Variants in TENM3 observed in about 807,000 individuals in gnomAD.
TENM3 encodes the protein teneurin-3.
In TENM3, 63 loss-of-function variants were observed where a neutral mutation model predicts 255.1. That is an observed-to-expected ratio of 0.25 (90% CI 0.20 to 0.30). TENM3 has a LOEUF of 0.30. TENM3 is among the 10% of genes least tolerant of loss of function. The pLI, the probability that TENM3 is intolerant of heterozygous loss-of-function variation, is 1.00. For missense variants in TENM3, 2,929 were observed against 3,461.1 expected (o/e 0.85, Z 3.86); for synonymous variants, 1,306 against 1,322.3 (o/e 0.99, Z 0.27).
At chr4:181,459,224 C>T in the TENM3 span, among the ~76,000 whole-genome samples, 1 of 151,772 alleles carries the variant, frequency 6.6e-6, no homozygotes, top group Non-Finnish European at 1.5e-5. Context: ...TGTTCAACTC[C>T]TTTGCCCATT....
At chr4:182,262,233 T>A (rs1301447668) in intron 1 of TENM3, among the ~76,000 whole-genome samples, 1 of 152,136 alleles carries the variant, frequency 6.6e-6, no homozygotes, top group Non-Finnish European at 1.5e-5. Context: ...AATTAGCAAA[T>A]TTTATTAAAA....
At chr4:182,412,677 A>T (rs1307332167) in intron 3 of TENM3, among the ~76,000 whole-genome samples, 1 of 151,980 alleles carries the variant, frequency 6.6e-6, no homozygotes. Flanking sequence ...TATCCTGGCC[A>T]ATACAGTGAA....
At chr4:182,258,799 C>T (rs1322506838) in intron 1 of TENM3, among the ~76,000 whole-genome samples, 1 of 152,102 alleles carries the variant, frequency 6.6e-6, no homozygotes, top group Non-Finnish European at 1.5e-5. Context: ...AGTAGCCTGA[C>T]AAAGAAACTC....
chr4:181,508,022 A>G, the TENM3 span, among the ~76,000 whole-genome samples: 1 of 152,242 alleles, frequency 6.6e-6, no homozygotes, highest in Admixed American at 6.5e-5. Context: ...TATCTCCACA[A>G]ATGAAAGGAA....
the TENM3 span, among the ~76,000 whole-genome samples, chr4:181,500,711 T>C: frequency 6.6e-6 from 1 of 152,202 alleles, no homozygotes; most frequent in Admixed American, 6.5e-5. Context: ...TCTGTCCCCA[T>C]TTGTATTTAC....
At chr4:181,614,275 C>G in the TENM3 span, among the ~76,000 whole-genome samples, 1 of 152,008 alleles carries the variant, frequency 6.6e-6, no homozygotes, top group Admixed American at 6.6e-5. Context: ...GTAAGTTTTG[C>G]GTTTTTCTCC....
chr4:182,004,075 A>C, the TENM3 span, among the ~76,000 whole-genome samples: 1 of 152,022 alleles, frequency 6.6e-6, no homozygotes, highest in African/African-American at 2.4e-5. Flanking sequence ...TGTTAAAAGT[A>C]TTTTTTTCTT....
chr4:181,684,241 C>T, the TENM3 span, among the ~76,000 whole-genome samples: 2 of 152,126 alleles, frequency 1.3e-5, no homozygotes, highest in African/African-American at 2.4e-5. Flanking sequence ...TGGGCCGTGA[C>T]AACAGTGAAG....
chr4:182,135,211 A>G, the TENM3 span, among the ~76,000 whole-genome samples: 11 of 124,490 alleles, frequency 8.8e-5, no homozygotes, highest in African/African-American at 2.4e-4. Flanking sequence ...TCTCAAAAAA[A>G]AAAAAAAAAA....
intron 3 of TENM3, among the ~76,000 whole-genome samples, chr4:182,572,346 C>G (rs1478907835): frequency 6.6e-6 from 1 of 152,192 alleles, no homozygotes; most frequent in African/African-American, 2.4e-5. Flanking sequence ...ACTTATCTAT[C>G]ATATTGGTCT....
At chr4:182,113,084 A>G in the TENM3 span, among the ~76,000 whole-genome samples, 1 of 152,234 alleles carries the variant, frequency 6.6e-6, no homozygotes, top group Non-Finnish European at 1.5e-5. Context: ...AGACACATTT[A>G]TACTTATAAA....
intron 2 of TENM3, among the ~76,000 whole-genome samples, chr4:182,335,685 T>C (rs948716951): frequency 1.3e-5 from 2 of 151,888 alleles, no homozygotes; most frequent in African/African-American, 4.8e-5. Context: ...AAAGATAGAC[T>C]TAAATGATTA....
chr4:181,608,235 T>G, the TENM3 span, among the ~76,000 whole-genome samples: 131 of 152,278 alleles, frequency 8.6e-4, no homozygotes, highest in African/African-American at 3.1e-3. Flanking sequence ...TTTAGAGAAA[T>G]TTGCAAAGTA....
chr4:182,280,538 A>G (rs979796624), intron 1 of TENM3, among the ~76,000 whole-genome samples: 5 of 152,204 alleles, frequency 3.3e-5, no homozygotes, highest in African/African-American at 1.2e-4. Context: ...TGGAAAATCT[A>G]TTCTTACTAA....
At chr4:182,416,903 GTCATTCAGCATGTTGT>G (rs1486907702) in intron 3 of TENM3, among the ~76,000 whole-genome samples, 1 of 152,124 alleles carries the variant, frequency 6.6e-6, no homozygotes, top group African/African-American at 2.4e-5. Context: ...TTGATGTTTT[GTCATTCAGCATGTTGT>G]TGATACGAAT....
At chr4:182,502,387 G>A (rs554632559) in intron 3 of TENM3, among the ~76,000 whole-genome samples, 9 of 152,146 alleles carry the variant, frequency 5.9e-5, no homozygotes, top group South Asian at 2.1e-4. Flanking sequence ...AGAGTATTTC[G>A]TTGGTAATTT....
the TENM3 span, among the ~76,000 whole-genome samples, chr4:181,717,252 G>A: frequency 2.0e-5 from 3 of 152,240 alleles, no homozygotes; most frequent in Non-Finnish European, 2.9e-5. Flanking sequence ...TTATTGGCAG[G>A]TCCCCATGTA....
At position 182,799,755 on chromosome 4, in the gene TENM3, C is replaced by G. The variant is rs1350428231; in HGVS notation, c.7504C>G (p.Leu2502Val). Residue 2502 changes from leucine (L) to valine (V), a missense_variant, in exon 28 of 28, where the codon CTG becomes GTG. Leu to Val is a conservative substitution (Grantham distance 32). Transcript: ENST00000511685. The surrounding 1 kb of genome is among the most constrained non-coding windows in gnomAD (Gnocchi z 4.2). Reference sequence around the variant, plus strand: ...GTCGCTGATCGGCAAGGGCGTCATGCTGGCCGTCAGCCAGGGCCGCGTGCA... The same window carrying G: ...GTCGCTGATCGGCAAGGGCGTCATGGTGGCCGTCAGCCAGGGCCGCGTGCA... ...VKSLIGKGVM[L>V]AVSQGRVQTN... The G allele has an allele frequency of 6.4e-7, 1 of 1,572,100 alleles. No individual in the cohort carries two copies. Among genetic ancestry groups the G allele is most frequent in the Non-Finnish European group, 8.6e-7 (1 of 1,160,056 alleles).
At chr4:182,540,987 T>C (rs1054037630) in intron 3 of TENM3, among the ~76,000 whole-genome samples, 2 of 152,196 alleles carry the variant, frequency 1.3e-5, no homozygotes, top group African/African-American at 4.8e-5. Context: ...ATTCACTCTG[T>C]GCCTGGCACA....
Sources: allele counts gnomAD v4.1 joint callset (sites outside exome capture counted in the v4.1 genomes callset), GRCh38; gene constraint gnomAD v4.1.1; non-coding constraint Gnocchi (gnomAD v3.1); transcripts MANE v1.5; gene names NCBI Gene and HGNC (gene_info 2026-07-23, HGNC 2026-07-21).